The following NOMO2 variants were observed in gnomAD, a reference collection of about 807,000 sequenced individuals.
The protein encoded by NOMO2 is BOS complex subunit NOMO2.
A neutral mutation model predicts 67.1 loss-of-function variants in NOMO2; 14 were observed. The observed-to-expected ratio is 0.21, with a 90% CI of 0.14 to 0.33. The LOEUF is 0.33. Among genes scored for constraint, NOMO2 ranks in the 10% least tolerant of loss-of-function variants. The probability of loss-of-function intolerance (pLI) is 1.00; values close to 1 mark genes in which losing one functional copy is unlikely to be tolerated. For missense variants in NOMO2, 178 were observed against 761.0 expected, an observed-to-expected ratio of 0.23 and a Z score of 9.01; for synonymous variants, 80 against 305.9, an observed-to-expected ratio of 0.26 and a Z score of 7.71.
chr16:18,556,472 T>C (rs1462966303), intron 2 of NOMO2, among the ~76,000 whole-genome samples: 2 of 149,858 alleles, frequency 1.3e-5, no homozygotes, highest in African/African-American at 4.9e-5. Flanking sequence ...AGTAGATCTA[T>C]CTATGCTAAT....
intron 1 of NOMO2, among the ~76,000 whole-genome samples, chr16:18,561,173 T>C (rs1477361417): frequency 9.2e-5 from 3 of 32,452 alleles, no homozygotes; most frequent in African/African-American, 1.2e-4. Context: ...ACAACTTAAT[T>C]AAAAAAAAAA....
At chr16:18,549,268 C>T (rs1381934198) in intron 5 of NOMO2, among the ~76,000 whole-genome samples, 3 of 150,416 alleles carry the variant, frequency 2.0e-5, no homozygotes, top group East Asian at 3.9e-4. Flanking sequence ...GCATTATAGG[C>T]GCAAGCCAAT....
At chr16:18,531,732 C>G in intron 12 of NOMO2, 125 bp from the exon 13 acceptor site, 6 of 1,537,530 alleles carry the variant, frequency 3.9e-6, no homozygotes, top group Non-Finnish European at 5.3e-6. Context: ...AGGTTCGTTT[C>G]CAGGCCAATT....
intron 9 of NOMO2, 76 bp from the exon 10 acceptor site, chr16:18,539,040 C>T: frequency 1.2e-6 from 1 of 822,662 alleles, no homozygotes; most frequent in Non-Finnish European, 2.1e-6. Flanking sequence ...TTCTGCTGCG[C>T]CGGCCACCAC....
intron 16 of NOMO2, among the ~76,000 whole-genome samples, chr16:18,527,187 G>A (rs903249028): frequency 4.5e-5 from 6 of 131,900 alleles, no homozygotes; most frequent in Admixed American, 1.6e-4. Context: ...CTACACTCCA[G>A]CCTGGGTGAC....
intron 1 of NOMO2, among the ~76,000 whole-genome samples, chr16:18,559,486 A>G (rs1488942429): frequency 6.6e-6 from 1 of 152,042 alleles, no homozygotes; most frequent in African/African-American, 2.4e-5. Flanking sequence ...TGACTAACTC[A>G]TAAAACGAAC....
At chr16:18,526,300 C>T (rs1183955665) in intron 16 of NOMO2, among the ~76,000 whole-genome samples, 5 of 152,066 alleles carry the variant, frequency 3.3e-5, no homozygotes, top group Admixed American at 3.3e-4. Context: ...AAACCGGAAC[C>T]CTCGTGCATT....
At chr16:18,535,268 G>C (rs1274064384) in intron 11 of NOMO2, among the ~76,000 whole-genome samples, 1 of 150,798 alleles carries the variant, frequency 6.6e-6, no homozygotes, top group Non-Finnish European at 1.5e-5. Flanking sequence ...AGTGAGCCGA[G>C]ATGGCGCCAC....
chr16:18,562,021 G>C lies in NOMO2; in HGVS notation c.20C>G (p.Ala7Gly). Residue 7 changes from alanine to glycine, a missense_variant, in exon 1 of 31, where the codon GCG becomes GGG. Transcript: ENST00000622306. Reference sequence around the variant, plus strand: ...GACCACCGCGGGCCCCAGCAGCCCCGCGCCCTGGCCCACCAGCATGGCCCG... The same window carrying C: ...GACCACCGCGGGCCCCAGCAGCCCCCCGCCCTGGCCCACCAGCATGGCCCG... MLVGQGAGLLGPAVVTA... is the reference protein window; with the variant it reads MLVGQGGGLLGPAVVTA... The C allele has an allele frequency of 6.5e-7, 1 of 1,531,442 alleles. No homozygotes were observed. Among genetic ancestry groups the C allele is most frequent in the Non-Finnish European group, 8.8e-7 (1 of 1,141,214 alleles). 94.9% of individuals were successfully genotyped at this position (1,531,442 alleles called of 1,614,324 possible).
At chr16:18,560,150 A>G (rs1902005127) in intron 1 of NOMO2, among the ~76,000 whole-genome samples, 1 of 152,082 alleles carries the variant, frequency 6.6e-6, no homozygotes, top group South Asian at 2.1e-4. Context: ...CATCTTTCAT[A>G]AAGTACAATC....
chr16:18,547,749 G>A (rs1292983211), intron 5 of NOMO2, among the ~76,000 whole-genome samples: 3 of 151,594 alleles, frequency 2.0e-5, no homozygotes, highest in African/African-American at 4.8e-5. Context: ...TGAGGGGGAC[G>A]CTGACCCAAG....
rs551843926 is a variant in NOMO2 at position 18,531,644 on chromosome 16, C to A, written c.1396-37G>T. On this transcript the variant is annotated intron_variant, in intron 12 of 30. Transcript: ENST00000622306. ...TGGATGGAACGTTAGAGGCTGCATT[C>A]GGGGAGATCTTCCCCCTGACCTACA... The A allele has an allele frequency of 3.1e-6, 5 of 1,611,042 alleles. No individual in the cohort carries two copies. In the Admixed American group the frequency reaches 6.8e-5, roughly 22 times the overall value.
At chr16:18,536,498 C>G (rs1169193985) in intron 11 of NOMO2, among the ~76,000 whole-genome samples, 1 of 151,292 alleles carries the variant, frequency 6.6e-6, no homozygotes, top group African/African-American at 2.4e-5. Context: ...ATTTTTAGAC[C>G]AGGTTATGAA....
chr16:18,526,069 A>G (rs971337829), intron 16 of NOMO2, among the ~76,000 whole-genome samples: 1 of 151,842 alleles, frequency 6.6e-6, no homozygotes, highest in African/African-American at 2.4e-5. Context: ...ACCCAGAAGG[A>G]CAGAGTGGCT....
chr16:18,552,884 G>A (rs1901820684), intron 3 of NOMO2, among the ~76,000 whole-genome samples: 2 of 152,042 alleles, frequency 1.3e-5, no homozygotes, highest in African/African-American at 4.8e-5. Flanking sequence ...ATACAAGAAT[G>A]TTCACAGGAG....
chr16:18,533,191 A>G lies in NOMO2; in HGVS notation c.1221-12T>C, dbSNP rs546271934. On this transcript the variant is annotated splice_polypyrimidine_tract_variant and intron_variant, in intron 11 of 30. Transcript: ENST00000622306. Reference sequence around the variant, plus strand: ...CACAGACACTGAACCTGCAAAGAGAAGACCATTCATTCCAGCACGAGGACT... The same window carrying G: ...CACAGACACTGAACCTGCAAAGAGAGGACCATTCATTCCAGCACGAGGACT... The G allele has an allele frequency of 6.2e-7, 1 of 1,611,152 alleles. No individual in the cohort carries two copies. The highest frequency in any genetic ancestry group is 1.1e-5 in the South Asian group (1 of 90,830).
At chr16:18,554,014 A>T (rs1402977789) in intron 3 of NOMO2, among the ~76,000 whole-genome samples, 1 of 149,544 alleles carries the variant, frequency 6.7e-6, no homozygotes, top group Non-Finnish European at 1.5e-5. Context: ...CACCTGCTCT[A>T]CTGAAACATC....
At chr16:18,535,022 T>C (rs1419518970) in intron 11 of NOMO2, among the ~76,000 whole-genome samples, 1 of 73,832 alleles carries the variant, frequency 1.4e-5, no homozygotes, top group African/African-American at 4.4e-5. Context: ...TTACAATAAA[T>C]TGAGTAATTT....
intron 15 of NOMO2, among the ~76,000 whole-genome samples, chr16:18,528,978 A>C: frequency 9.7e-6 from 1 of 102,736 alleles, no homozygotes; most frequent in African/African-American, 3.4e-5. Flanking sequence ...AAAAAAAAAA[A>C]AAAAAAAAAA....
Sources: gnomAD v4.1 joint callset for allele counts (sites outside exome capture counted in the v4.1 genomes callset) on GRCh38, gnomAD v4.1.1 for gene constraint, MANE v1.5 for transcripts, NCBI Gene and HGNC (gene_info 2026-07-23, HGNC 2026-07-21) for gene names.